The following MMP26 variants were observed in gnomAD, a reference collection of about 807,000 sequenced individuals.
The protein encoded by MMP26 is matrix metalloproteinase-26.
A neutral mutation model predicts 31.0 loss-of-function variants in MMP26; 33 were observed. The observed-to-expected ratio is 1.06, with a 90% confidence interval of 0.81 to 1.42. The LOEUF (loss-of-function observed/expected upper bound fraction) is 1.42, where lower values mean the gene tolerates loss of function less well. Among genes scored for constraint, MMP26 ranks in the 40% most tolerant of loss-of-function variants. MMP26 has a pLI of 0.00. For synonymous variants in MMP26, 122 were observed against 114.9 expected (o/e 1.06, Z -0.40); for missense variants, 347 against 316.1 (o/e 1.10, Z -0.74).
At chr11:4,824,176 A>T (rs1192912863) in intron 2 of MMP26, among the ~76,000 whole-genome samples, 1 of 152,094 alleles carries the variant, frequency 6.6e-6, no homozygotes, top group Non-Finnish European at 1.5e-5. Flanking sequence ...ACATGAAGTG[A>T]CTTAAATATT....
At chr11:4,851,606 C>T (rs1429571842) in intron 2 of MMP26, among the ~76,000 whole-genome samples, 5 of 151,414 alleles carry the variant, frequency 3.3e-5, no homozygotes, top group South Asian at 4.2e-4. Flanking sequence ...ACTCTATTGT[C>T]GAGTAAATTA....
chr11:4,833,223 G>A (rs1054659678), intron 2 of MMP26, among the ~76,000 whole-genome samples: 2 of 152,266 alleles, frequency 1.3e-5, no homozygotes, highest in East Asian at 1.9e-4. Context: ...TCCCTAAGGA[G>A]CATCTAATAT....
At chr11:4,855,657 T>C (rs1183159683) in intron 2 of MMP26, among the ~76,000 whole-genome samples, 2 of 152,172 alleles carry the variant, frequency 1.3e-5, no homozygotes, top group Non-Finnish European at 2.9e-5. Flanking sequence ...TTCAGGATAT[T>C]ATCCAGGAGA....
intron 2 of MMP26, among the ~76,000 whole-genome samples, chr11:4,965,753 C>A (rs1290795841): frequency 3.3e-5 from 5 of 152,102 alleles, no homozygotes; most frequent in Non-Finnish European, 5.9e-5. Flanking sequence ...TAACAGGAAT[C>A]AAAGTAATTC....
intron 2 of MMP26, among the ~76,000 whole-genome samples, chr11:4,851,856 AC>A (rs1849980184): frequency 6.6e-6 from 1 of 152,162 alleles, no homozygotes; most frequent in African/African-American, 2.4e-5. Context: ...AAACATTTAA[AC>A]AAATGTAATG....
chr11:4,742,007 A>C (rs573638606), intron 1 of MMP26, among the ~76,000 whole-genome samples: 1 of 152,338 alleles, frequency 6.6e-6, no homozygotes, highest in South Asian at 2.1e-4. Context: ...AACTAGAGCC[A>C]GCAAGAGGGA....
chr11:4,750,162 C>T (rs1187738237), intron 1 of MMP26, among the ~76,000 whole-genome samples: 1 of 151,960 alleles, frequency 6.6e-6, no homozygotes, highest in Non-Finnish European at 1.5e-5. Flanking sequence ...ATACAAATGG[C>T]CAACAAGCTT....
At chr11:4,770,553 A>C (rs759179252) in intron 2 of MMP26, among the ~76,000 whole-genome samples, 1 of 152,198 alleles carries the variant, frequency 6.6e-6, no homozygotes, top group East Asian at 1.9e-4. Flanking sequence ...GGGGACTATG[A>C]AAACCAAAAG....
At chr11:4,964,469 A>T (rs1159034730) in intron 2 of MMP26, among the ~76,000 whole-genome samples, 1 of 152,044 alleles carries the variant, frequency 6.6e-6, no homozygotes, top group Non-Finnish European at 1.5e-5. Flanking sequence ...CCATTGGTTT[A>T]TGTGTCTGTT....
intron 2 of MMP26, among the ~76,000 whole-genome samples, chr11:4,811,769 C>T (rs2133462034): frequency 6.6e-6 from 1 of 152,244 alleles, no homozygotes; most frequent in South Asian, 2.1e-4. Flanking sequence ...TGCCACTTGA[C>T]TCTAAGCAGG....
intron 2 of MMP26, among the ~76,000 whole-genome samples, chr11:4,904,541 A>G (rs115005899): frequency 6.6e-6 from 1 of 151,996 alleles, no homozygotes; most frequent in Non-Finnish European, 1.5e-5. Context: ...TATGAGTTTT[A>G]AATTTTGTAT....
chr11:4,963,279 G>A (rs1455708464), intron 2 of MMP26, among the ~76,000 whole-genome samples: 2 of 152,148 alleles, frequency 1.3e-5, no homozygotes, highest in African/African-American at 4.8e-5. Flanking sequence ...TGGATAGGAA[G>A]AACCAATATC....
chr11:4,888,937 A>G (rs60299135), intron 2 of MMP26, among the ~76,000 whole-genome samples: 4,889 of 152,268 alleles, frequency 0.032, 257 homozygotes, highest in African/African-American at 0.11. Flanking sequence ...TTTAATCTTC[A>G]GCTCCTTGGT....
intron 2 of MMP26, among the ~76,000 whole-genome samples, chr11:4,853,303 T>C (rs1850001148): frequency 6.6e-6 from 1 of 152,130 alleles, no homozygotes. Flanking sequence ...GGTCAACATT[T>C]CACAAGGTAT....
chr11:4,811,327 A>G (rs911201779), intron 2 of MMP26, among the ~76,000 whole-genome samples: 2 of 152,268 alleles, frequency 1.3e-5, no homozygotes, highest in East Asian at 1.9e-4. Flanking sequence ...AGTACTCAAT[A>G]GGTAGTTTTT....
chr11:4,814,046 A>G lies in MMP26; in HGVS notation c.-145+46705A>G, dbSNP rs115444288. ...TGAAAAGGTTTATTATTATTATTCA[A>G]CATTATTATTCATTAGGTAAATGAA... On this transcript the variant is annotated intron_variant, in intron 2 of 7. Transcript: ENST00000380390. 6.5e-3 allele frequency among the ~76,000 whole-genome samples: 995 copies of G among 152,324 alleles called. 13 individuals carry two copies. The highest frequency in any genetic ancestry group is 0.023 in the African/African-American group (954 of 41,572).
chr11:4,769,851 C>G lies in MMP26; in HGVS notation c.-145+2510C>G, dbSNP rs751974140. On this transcript the variant is annotated intron_variant, in intron 2 of 7. Coordinates refer to ENST00000380390, the MANE Select transcript of MMP26 (RefSeq NM_021801.5). Reference sequence around the variant, plus strand: ...ATGGAGATCCAGACATGGGCAGACTCTAGGCCAGGAATGCCGGTCAACAAG... The same window carrying G: ...ATGGAGATCCAGACATGGGCAGACTGTAGGCCAGGAATGCCGGTCAACAAG... The G allele has an allele frequency of 1.2e-5, 20 of 1,613,232 alleles. No individual in the cohort carries two copies. The highest frequency in any genetic ancestry group is 8.8e-5 in the South Asian group (8 of 91,068).
intron 2 of MMP26, chr11:4,860,272 G>A (rs1453536970): frequency 2.1e-6 from 1 of 471,204 alleles, no homozygotes; most frequent in Admixed American, 2.3e-5. Context: ...CATGATGCAT[G>A]CATCAAAAAC....
intron 1 of MMP26, among the ~76,000 whole-genome samples, chr11:4,741,926 A>G (rs1848317230): frequency 6.6e-6 from 1 of 152,216 alleles, no homozygotes; most frequent in Non-Finnish European, 1.5e-5. Context: ...ACATATGGCT[A>G]TGTTCAAATG....
Sources: allele counts gnomAD v4.1 joint callset (sites outside exome capture counted in the v4.1 genomes callset), GRCh38; gene constraint gnomAD v4.1.1; transcripts MANE v1.5; gene names NCBI Gene and HGNC (gene_info 2026-07-23, HGNC 2026-07-21).